BACH2: variants seen among roughly 807,000 people sequenced by gnomAD.
BACH2 encodes transcription regulator protein BACH2.
In BACH2, 5 loss-of-function variants were observed where a neutral mutation model predicts 61.8. The ratio of observed to expected loss-of-function variants is 0.08; its 90% CI spans 0.04 to 0.17. The LOEUF is 0.17. Ranked by LOEUF, BACH2 falls within the 10% of genes least tolerant of loss-of-function variation. BACH2 has a pLI of 1.00. For synonymous variants in BACH2, 446 were observed against 440.1 expected (o/e 1.01, Z -0.17); for missense variants, 824 against 1,091.1 (o/e 0.76, Z 3.45).
rs943484662 is a variant in BACH2, at chr6:89,932,334, T to C, written c.*74A>G. 20 of 1,548,614 alleles carry C rather than the reference T, an allele frequency of 1.3e-5. No homozygotes were observed. Among genetic ancestry groups the C allele is most frequent in the Non-Finnish European group, 1.6e-5 (18 of 1,140,546 alleles). On this transcript the variant is annotated 3_prime_UTR_variant, in exon 9 of 9. Coordinates refer to ENST00000257749, the MANE Select transcript of BACH2 (RefSeq NM_021813.4). The stretch of plus-strand genomic sequence containing the variant: ...TTCTCGGTTTCTTCGGGACAGCAGA[T>C]GAACAGTGCCACAGGCTGACTGAAG...
chr6:90,043,981 A>G (rs1261430375), intron 5 of BACH2, among the ~76,000 whole-genome samples: 2 of 152,144 alleles, frequency 1.3e-5, no homozygotes, highest in Non-Finnish European at 2.9e-5. Flanking sequence ...GCTACTCAAT[A>G]AGTGTTTTCA....
intron 4 of BACH2, among the ~76,000 whole-genome samples, chr6:90,098,279 C>G (rs1244438462): frequency 2.6e-5 from 4 of 151,952 alleles, no homozygotes; most frequent in African/African-American, 9.7e-5. Context: ...CTTTGCCCCC[C>G]CCGCAACCCC....
intron 1 of BACH2, among the ~76,000 whole-genome samples, chr6:90,295,728 G>A (rs565721449): frequency 6.6e-6 from 1 of 152,132 alleles, no homozygotes; most frequent in Non-Finnish European, 1.5e-5. Context: ...GGAGGTGCAA[G>A]GTTTCCCTCT....
chr6:90,091,752 T>G (rs1275147653), intron 4 of BACH2, among the ~76,000 whole-genome samples: 1 of 152,122 alleles, frequency 6.6e-6, no homozygotes, highest in East Asian at 1.9e-4. Flanking sequence ...GCAAAAAATT[T>G]CAATCCTATT....
chr6:90,163,610 G>A (rs1048258533), intron 4 of BACH2, among the ~76,000 whole-genome samples: 1 of 151,792 alleles, frequency 6.6e-6, no homozygotes, highest in Non-Finnish European at 1.5e-5. Flanking sequence ...AAGACTAAAG[G>A]TAGATGATAT....
intron 5 of BACH2, among the ~76,000 whole-genome samples, chr6:90,044,033 A>G (rs755992483): frequency 3.9e-5 from 6 of 152,216 alleles, no homozygotes; most frequent in Admixed American, 2.0e-4. Context: ...CATGTATAAC[A>G]CATGATGCCA....
chr6:90,295,788 A>C (rs1411147018), intron 1 of BACH2, among the ~76,000 whole-genome samples: 1 of 151,880 alleles, frequency 6.6e-6, no homozygotes, highest in East Asian at 1.9e-4. Context: ...CTTTCCGACA[A>C]CCCGATCTTT....
At chr6:90,131,352 T>G (rs920396246) in intron 4 of BACH2, among the ~76,000 whole-genome samples, 6 of 152,238 alleles carry the variant, frequency 3.9e-5, no homozygotes, top group Non-Finnish European at 8.8e-5. Context: ...CTTTGTACAC[T>G]GCCGGCTGGC....
At chr6:90,192,776 T>G (rs1304606093) in intron 4 of BACH2, among the ~76,000 whole-genome samples, 1 of 152,244 alleles carries the variant, frequency 6.6e-6, no homozygotes, top group Non-Finnish European at 1.5e-5. Context: ...ATATATTAGA[T>G]TCTTAAGAAA....
intron 7 of BACH2, among the ~76,000 whole-genome samples, chr6:89,947,001 T>C (rs1313732754): frequency 1.3e-5 from 2 of 152,216 alleles, no homozygotes; most frequent in Non-Finnish European, 2.9e-5. Context: ...ATACAAGGTA[T>C]GTTAACACTT....
rs116844518 is a variant in BACH2 at position 89,951,942 on chromosome 6, C to T, written c.244-80G>A. 6.7e-7 allele frequency: 1 copy of T among 1,498,036 alleles called. No individual in the cohort carries two copies. Among genetic ancestry groups the T allele is most frequent in the East Asian group, 2.3e-5 (1 of 43,758 alleles). The allele number at this position is 1,498,036 out of a possible 1,614,324, so 92.8% of individuals were successfully genotyped here. ...GAATCCCTCAACTGAAGCAAGATAA[C>T]CAGACAGTGCTAATGTCCCAGAATA... is the stretch of plus-strand genomic sequence containing the variant. On this transcript the variant is annotated intron_variant, in intron 6 of 8. Transcript: ENST00000257749. The surrounding 1 kb of genome is among the most constrained non-coding windows in gnomAD (Gnocchi z 6.4).
At chr6:90,029,098 C>T (rs1191249648) in intron 5 of BACH2, among the ~76,000 whole-genome samples, 1 of 152,122 alleles carries the variant, frequency 6.6e-6, no homozygotes. Context: ...TTGGCCCTGC[C>T]CACCTAACAC....
At chr6:90,286,084 G>T (rs895409477) in intron 1 of BACH2, among the ~76,000 whole-genome samples, 10 of 152,192 alleles carry the variant, frequency 6.6e-5, no homozygotes, top group African/African-American at 2.4e-4. Context: ...TGGAACAGCT[G>T]CACTGAAATC....
chr6:90,262,833 A>C (rs554039706), intron 2 of BACH2, among the ~76,000 whole-genome samples: 2 of 152,358 alleles, frequency 1.3e-5, no homozygotes, highest in East Asian at 3.9e-4. Context: ...GTTAGTAAGT[A>C]TATAAACTAG....
At chr6:90,088,831 A>G (rs952631779) in intron 5 of BACH2, 130 bp downstream of exon 5, 2 of 152,264 alleles carry the variant, frequency 1.3e-5, no homozygotes, top group African/African-American at 4.8e-5. Flanking sequence ...CCTTTGCTCA[A>G]TGATAACTCT....
At chr6:90,082,054 G>T (rs1422582848) in intron 5 of BACH2, among the ~76,000 whole-genome samples, 2 of 152,102 alleles carry the variant, frequency 1.3e-5, no homozygotes, top group Non-Finnish European at 2.9e-5. Context: ...GCACAAGAAG[G>T]CATATATTTG....
chr6:90,244,595 C>A (rs952932071), intron 3 of BACH2, among the ~76,000 whole-genome samples: 15 of 152,172 alleles, frequency 9.9e-5, no homozygotes, highest in African/African-American at 3.6e-4. Flanking sequence ...AGCAACCACC[C>A]CCTCCCCCCT....
rs556739130 is a variant in BACH2, at chr6:90,244,567, G to T, written c.-275+7946C>A. Among the ~76,000 whole-genome samples the T allele has an allele frequency of 5.3e-5, 8 of 152,258 alleles. No individual in the cohort carries two copies. In the East Asian group the frequency reaches 1.5e-3, roughly 29 times the overall value. The stretch of plus-strand genomic sequence containing the variant: ...AGCTGCTTCTGGGGTCTCCATTTGG[G>T]TATATTGCTCACCTGACAGCAACCA... On this transcript the variant is annotated intron_variant, in intron 3 of 8. Transcript: ENST00000257749.
At chr6:90,201,358 C>A (rs906414004) in intron 4 of BACH2, among the ~76,000 whole-genome samples, 4 of 152,178 alleles carry the variant, frequency 2.6e-5, no homozygotes, top group African/African-American at 9.7e-5. Flanking sequence ...GTAAATGTTA[C>A]AAATCTTCAT....
Sources: allele counts gnomAD v4.1 joint callset (sites outside exome capture counted in the v4.1 genomes callset), GRCh38; gene constraint gnomAD v4.1.1; non-coding constraint Gnocchi (gnomAD v3.1); transcripts MANE v1.5; gene names NCBI Gene and HGNC (gene_info 2026-07-23, HGNC 2026-07-21).